ARHGAP12: variants seen among roughly 807,000 people sequenced by gnomAD.
ARHGAP12 encodes the protein Rho GTPase activating protein 12, also known as rho GTPase-activating protein 12.
In ARHGAP12, 64 loss-of-function variants were observed where a neutral mutation model predicts 108.6. That is an observed-to-expected ratio of 0.59 (90% confidence interval 0.48 to 0.73). ARHGAP12 has a LOEUF of 0.73. ARHGAP12 is among the 30% of genes least tolerant of loss of function. The pLI, the probability that ARHGAP12 is intolerant of heterozygous loss-of-function variation, is 0.00. For synonymous variants in ARHGAP12, 312 were observed against 337.2 expected, an observed-to-expected ratio of 0.93 and a Z score of 0.82; for missense variants, 940 against 1,005.9, an observed-to-expected ratio of 0.93 and a Z score of 0.89.
In ARHGAP12 at chr10:31,807,596, GTA is replaced by G; in HGVS notation, c.*60_*61del. 6.6e-7 allele frequency: 1 copy of G among 1,507,734 alleles called. No individual in the cohort carries two copies. Among genetic ancestry groups the G allele is most frequent in the Non-Finnish European group, 8.9e-7 (1 of 1,117,646 alleles). 93.4% of individuals were successfully genotyped at this position (1,507,734 alleles called of 1,614,324 possible). A position where few individuals can be genotyped will look rare whatever the true frequency, so the allele number is the denominator to read the frequency against. On this transcript the variant is annotated 3_prime_UTR_variant, in exon 20 of 20. Transcript: ENST00000344936. Reference sequence around the variant, plus strand: ...TGGTCCAAAAAATAAAATACATTGTGTATAAACATTTGAAATCTGATGGAATC... The same window carrying G: ...TGGTCCAAAAAATAAAATACATTGTGTAAACATTTGAAATCTGATGGAATC...
intron 1 of ARHGAP12, among the ~76,000 whole-genome samples, chr10:31,926,583 A>G (rs974317781): frequency 6.6e-6 from 1 of 152,264 alleles, no homozygotes; most frequent in African/African-American, 2.4e-5. Flanking sequence ...TCAGGTAAGT[A>G]AAATATTAGT....
At position 31,826,351 on chromosome 10, in the gene ARHGAP12, C is replaced by A; in HGVS notation, c.1483G>T (p.Gly495Cys). The A allele has an allele frequency of 6.2e-7, 1 of 1,612,136 alleles. No homozygotes were observed. Among genetic ancestry groups the A allele is most frequent in the Non-Finnish European group, 8.5e-7 (1 of 1,178,958 alleles). Residue 495 changes from glycine (G) to cysteine (C), a missense_variant, in exon 11 of 20, where the codon GGT (glycine) becomes TGT (cysteine). Gly to Cys is a radical substitution (Grantham distance 159). Transcript: ENST00000344936. ...NWLSSWAVLQ[G>C]SSLLFTKTQG... Reference sequence around the variant, plus strand: ...GTTTTGGTAAAAAGTAAAGATGAACCCTGCAACACCGCCCAAGAAGACAAC... The same window carrying A: ...GTTTTGGTAAAAAGTAAAGATGAACACTGCAACACCGCCCAAGAAGACAAC...
At chr10:31,849,029 G>GCCTGGGCGA (rs1331441586) in intron 6 of ARHGAP12, among the ~76,000 whole-genome samples, 2 of 151,664 alleles carry the variant, frequency 1.3e-5, no homozygotes, top group Non-Finnish European at 2.9e-5. Context: ...CTGCACTCCA[G>GCCTGGGCGA]CCTGGGCGAC....
Position 31,808,887 on chromosome 10 carries a change from A to C in ARHGAP12, c.2263+107T>G, listed in dbSNP as rs1255686876. The C allele has an allele frequency of 7.3e-6, 10 of 1,376,596 alleles. No homozygotes were observed. The Admixed American group carries it at 2.2e-4, about 30-fold the overall frequency. 85.3% of individuals were successfully genotyped at this position (1,376,596 alleles called of 1,614,324 possible). A position where few individuals can be genotyped will look rare whatever the true frequency, so the allele number is the denominator to read the frequency against. The stretch of plus-strand genomic sequence containing the variant: ...CATTTAAAATGTTTGGAGTAAAACA[A>C]TCTGTTGAAAATACTTGCTTAAAGT... On this transcript the variant is annotated intron_variant, in intron 18 of 19. Coordinates refer to ENST00000344936, the MANE Select transcript of ARHGAP12 (RefSeq NM_018287.7).
intron 6 of ARHGAP12, 100 bp from the exon 7 acceptor site, chr10:31,843,686 G>A: frequency 1.5e-6 from 2 of 1,348,256 alleles, no homozygotes; most frequent in Admixed American, 2.9e-5. Context: ...AAGACTGTTA[G>A]GCGAAGTTCA....
chr10:31,883,133 T>G (rs2132373606), intron 3 of ARHGAP12, among the ~76,000 whole-genome samples: 1 of 151,402 alleles, frequency 6.6e-6, no homozygotes, highest in South Asian at 2.1e-4. Context: ...CCATCTCTAC[T>G]AAAAATACAA....
chr10:31,879,092 T>C (rs1837842805), intron 3 of ARHGAP12, among the ~76,000 whole-genome samples: 1 of 152,162 alleles, frequency 6.6e-6, no homozygotes, highest in South Asian at 2.1e-4. Context: ...TTAATTTACA[T>C]GTAAGGTTTA....
At chr10:31,817,983 G>C (rs1835270835) in intron 12 of ARHGAP12, 97 bp from the exon 13 acceptor site, 3 of 815,588 alleles carry the variant, frequency 3.7e-6, no homozygotes, top group Non-Finnish European at 6.1e-6. Context: ...AAACCACCAA[G>C]AGTAGCTGCC....
At chr10:31,872,290 C>A (rs944692861) in intron 3 of ARHGAP12, among the ~76,000 whole-genome samples, 1 of 152,060 alleles carries the variant, frequency 6.6e-6, no homozygotes, top group African/African-American at 2.4e-5. Flanking sequence ...ACCAAAATCT[C>A]TCCCTCAAAC....
chr10:31,877,764 C>T (rs867309142), intron 3 of ARHGAP12, among the ~76,000 whole-genome samples: 1 of 152,192 alleles, frequency 6.6e-6, no homozygotes, highest in East Asian at 1.9e-4. Flanking sequence ...AAATCTGACA[C>T]ACTCAAGGAA....
chr10:31,868,246 A>C (rs1837406492), intron 3 of ARHGAP12, among the ~76,000 whole-genome samples: 1 of 152,190 alleles, frequency 6.6e-6, no homozygotes, highest in African/African-American at 2.4e-5. Flanking sequence ...AGGAAAAAAA[A>C]AAGTATAAGG....
rs1836729631 is a variant in ARHGAP12 at position 31,852,597 on chromosome 10, A to G, written c.1090T>C (p.Trp364Arg). The G allele has an allele frequency of 6.2e-7, 1 of 1,608,684 alleles. No homozygotes were observed. Among genetic ancestry groups the G allele is most frequent in the Non-Finnish European group, 8.5e-7 (1 of 1,175,280 alleles). The part of the protein sequence containing the change: ...LYTSDYTNEK[W>R]LKHVDDQGRQ... ...CCTTGATCATCAACATGCTTGAGCC[A>G]CTATAAAAACAGAACAGGTGTTTTT... Residue 364 changes from tryptophan (W) to arginine (R), a missense_variant and splice_region_variant, in exon 6 of 20, where the codon TGG becomes CGG. By Grantham distance (101) the Trp-to-Arg change is moderately radical (BLOSUM62 -3). Coordinates refer to ENST00000344936, the MANE Select transcript of ARHGAP12 (RefSeq NM_018287.7).
At chr10:31,896,049 T>TG (rs752634374) in intron 3 of ARHGAP12, among the ~76,000 whole-genome samples, 16 of 148,718 alleles carry the variant, frequency 1.1e-4, no homozygotes, top group African/African-American at 1.5e-4. Context: ...TGAGAACACT[T>TG]GGACACAGGA....
At chr10:31,838,453 A>G (rs1258576408) in intron 9 of ARHGAP12, among the ~76,000 whole-genome samples, 1 of 151,972 alleles carries the variant, frequency 6.6e-6, no homozygotes, top group African/African-American at 2.4e-5. Context: ...AGGCCAAGGC[A>G]GGCATATCAC....
intron 4 of ARHGAP12, among the ~76,000 whole-genome samples, chr10:31,856,122 G>T (rs1564392763): frequency 6.6e-6 from 1 of 152,224 alleles, no homozygotes; most frequent in East Asian, 1.9e-4. Context: ...AGAATGGCAG[G>T]TAGGTATCCC....
intron 9 of ARHGAP12, among the ~76,000 whole-genome samples, chr10:31,837,486 T>C (rs1037801119): frequency 1.3e-5 from 2 of 152,228 alleles, no homozygotes; most frequent in Admixed American, 6.5e-5. Flanking sequence ...ACTTATTCAA[T>C]GCAATTAGTG....
intron 3 of ARHGAP12, among the ~76,000 whole-genome samples, chr10:31,888,412 A>T (rs1319036955): frequency 2.6e-5 from 4 of 152,234 alleles, no homozygotes; most frequent in African/African-American, 9.6e-5. Flanking sequence ...GAAAGAAAAA[A>T]TAGATACTCT....
Position 31,854,370 on chromosome 10 carries a change from T to C in ARHGAP12, c.949-164A>G, listed in dbSNP as rs1836810744. On this transcript the variant is annotated intron_variant, in intron 4 of 19. Transcript: ENST00000344936. Reference sequence around the variant, plus strand: ...AATTGATAAGTCTTTAAATGGTACATTGTAAGAGGTGAGGTAAAATTAATA... The same window carrying C: ...AATTGATAAGTCTTTAAATGGTACACTGTAAGAGGTGAGGTAAAATTAATA... Among the ~76,000 whole-genome samples, 4 of 152,186 alleles carry C rather than the reference T, an allele frequency of 2.6e-5. No homozygotes were observed. In the South Asian group the frequency reaches 6.2e-4, roughly 24 times the overall value.
chr10:31,921,889 C>G (rs1447569759), intron 1 of ARHGAP12, among the ~76,000 whole-genome samples: 1 of 151,094 alleles, frequency 6.6e-6, no homozygotes, highest in Non-Finnish European at 1.5e-5. Context: ...GAGCCTGGTT[C>G]TTTAAGAGCA....
Sources: gnomAD v4.1 joint callset for allele counts (sites outside exome capture counted in the v4.1 genomes callset) on GRCh38, gnomAD v4.1.1 for gene constraint, MANE v1.5 for transcripts, NCBI Gene and HGNC (gene_info 2026-07-23, HGNC 2026-07-21) for gene names.